HHLA2: variants seen among roughly 807,000 people sequenced by gnomAD.
HHLA2 encodes HHLA2 member of B7 family.
HHLA2 carries 48 observed loss-of-function variants against 45.9 expected under a neutral mutation model. The observed-to-expected ratio is 1.05, with a 90% CI of 0.83 to 1.33. The LOEUF (loss-of-function observed/expected upper bound fraction) is 1.33, where lower values mean the gene tolerates loss of function less well. Ranked by LOEUF, HHLA2 falls within the 40% of genes most tolerant of loss-of-function variation. The pLI is 0.00. For missense variants in HHLA2, 462 were observed against 494.3 expected, an observed-to-expected ratio of 0.93 and a Z score of 0.62; for synonymous variants, 161 against 173.9, an observed-to-expected ratio of 0.93 and a Z score of 0.59.
intron 2 of HHLA2, among the ~76,000 whole-genome samples, chr3:108,321,685 C>G (rs2081205202): frequency 6.6e-6 from 1 of 151,954 alleles, no homozygotes; most frequent in Non-Finnish European, 1.5e-5. Context: ...TCAGTAATAG[C>G]AATTCATTTA....
intron 2 of HHLA2, among the ~76,000 whole-genome samples, chr3:108,318,117 G>T (rs1226795691): frequency 1.3e-5 from 2 of 151,390 alleles, no homozygotes; most frequent in Middle Eastern, 3.4e-3. Context: ...GGAGGCTGAG[G>T]TTGCAGTGAG....
chr3:108,371,393 G>C (rs562530549), intron 8 of HHLA2, among the ~76,000 whole-genome samples: 5 of 152,138 alleles, frequency 3.3e-5, no homozygotes, highest in Non-Finnish European at 7.3e-5. Flanking sequence ...AAAGACCATC[G>C]AGGCTAGGAA....
At chr3:108,328,218 A>G in intron 2 of HHLA2, 1 of 794,364 alleles carries the variant, frequency 1.3e-6, no homozygotes, top group Non-Finnish European at 1.9e-6. Flanking sequence ...TTTACTGGTC[A>G]TCTGGGGCAT....
intron 3 of HHLA2, among the ~76,000 whole-genome samples, chr3:108,334,977 G>A (rs1251484734): frequency 6.6e-6 from 1 of 152,204 alleles, no homozygotes; most frequent in Non-Finnish European, 1.5e-5. Flanking sequence ...CCTCATTGGA[G>A]CAAATTAATG....
rs1042657650 is a variant in HHLA2 at position 108,355,049 on chromosome 3, G to C, written c.419-66G>C. The C allele has an allele frequency of 2.7e-5, 40 of 1,482,858 alleles. No homozygotes were observed. In the South Asian group the frequency reaches 4.7e-4, roughly 17 times the overall value. 91.9% of individuals were successfully genotyped at this position (1,482,858 alleles called of 1,614,324 possible). A position where few individuals can be genotyped will look rare whatever the true frequency, so the allele number is the denominator to read the frequency against. On this transcript the variant is annotated intron_variant, in intron 5 of 10. Transcript: ENST00000619531. The stretch of plus-strand genomic sequence containing the variant: ...TTTCATGGATATTAAAAAGTATTCT[G>C]CACAGACGGCCTATAAAGAAGCTAA...
At chr3:108,328,795 G>A (rs996480443) in intron 3 of HHLA2, among the ~76,000 whole-genome samples, 18 of 151,828 alleles carry the variant, frequency 1.2e-4, no homozygotes, top group Admixed American at 1.2e-3. Flanking sequence ...AGTAGTAGTT[G>A]TTATATAGGG....
chr3:108,365,227 T>G (rs2082044764), intron 8 of HHLA2, among the ~76,000 whole-genome samples: 1 of 152,248 alleles, frequency 6.6e-6, no homozygotes, highest in African/African-American at 2.4e-5. Context: ...CTAGCAAGTT[T>G]GCCCAGCACC....
At chr3:108,297,050 T>C (rs2080772502) in intron 1 of HHLA2, among the ~76,000 whole-genome samples, 1 of 152,238 alleles carries the variant, frequency 6.6e-6, no homozygotes, top group African/African-American at 2.4e-5. Flanking sequence ...GTAGTGGTTA[T>C]CTAGCAGAAG....
chr3:108,303,074 G>A (rs1252580377), intron 1 of HHLA2, among the ~76,000 whole-genome samples: 3 of 152,150 alleles, frequency 2.0e-5, no homozygotes, highest in Non-Finnish European at 4.4e-5. Context: ...GCTTAATTCA[G>A]TTATGTCTTG....
Position 108,299,476 on chromosome 3 carries a change from A to G in HHLA2, c.-192+2877A>G, listed in dbSNP as rs1576082834. ...TCTTGTTAGTGTGGTGGGAGGAGAG[A>G]AAGGTGAGGAGTAGTCAGATTATGA... On this transcript the variant is annotated intron_variant, in intron 1 of 10. Coordinates refer to ENST00000619531, the Ensembl canonical transcript of HHLA2. Among the ~76,000 whole-genome samples, 4 of 151,880 alleles carry G rather than the reference A, an allele frequency of 2.6e-5. No homozygotes were observed. In the East Asian group the frequency reaches 5.8e-4, roughly 22 times the overall value.
intron 1 of HHLA2, among the ~76,000 whole-genome samples, chr3:108,309,319 A>G (rs1174018779): frequency 6.6e-6 from 1 of 152,116 alleles, no homozygotes; most frequent in Non-Finnish European, 1.5e-5. Flanking sequence ...AATTTACTGT[A>G]CATATGTAGA....
At chr3:108,332,657 G>A (rs17241659) in intron 3 of HHLA2, among the ~76,000 whole-genome samples, 24,548 of 152,114 alleles carry the variant, frequency 0.16, 2,469 homozygotes, top group Middle Eastern at 0.24. Flanking sequence ...AACCCTGACC[G>A]TTCTGAGCCA....
rs1293976043 is a variant in HHLA2 at position 108,373,972 on chromosome 3, A to G, written c.1109-1778A>G. Among the ~76,000 whole-genome samples the G allele has an allele frequency of 7.5e-3, 1,138 of 151,506 alleles. 16 individuals are homozygous for G. Among genetic ancestry groups the G allele is most frequent in the African/African-American group, 0.026 (1,096 of 41,464 alleles). On this transcript the variant is annotated intron_variant, in intron 8 of 10. Coordinates refer to ENST00000619531, the Ensembl canonical transcript of HHLA2. Reference sequence around the variant, plus strand: ...ATGACTTTCTTCACAGAATTGGAAGAAACTACTTTAAAGTTCATATGGAAC... The same window carrying G: ...ATGACTTTCTTCACAGAATTGGAAGGAACTACTTTAAAGTTCATATGGAAC...
At chr3:108,304,693 G>A (rs1383657636) in intron 1 of HHLA2, among the ~76,000 whole-genome samples, 2 of 152,214 alleles carry the variant, frequency 1.3e-5, no homozygotes, top group Non-Finnish European at 2.9e-5. Context: ...TACTGTGTCT[G>A]AGAGTGGGCT....
chr3:108,311,206 G>C (rs1243571400), intron 2 of HHLA2, among the ~76,000 whole-genome samples: 1 of 152,140 alleles, frequency 6.6e-6, no homozygotes, highest in Non-Finnish European at 1.5e-5. Flanking sequence ...TAATCATTTT[G>C]TTAAGCCCCT....
intron 8 of HHLA2, among the ~76,000 whole-genome samples, chr3:108,366,849 AT>A: frequency 6.6e-6 from 1 of 152,016 alleles, no homozygotes; most frequent in East Asian, 1.9e-4. Context: ...TGTCTGTTTG[AT>A]TCTTCTTTCT....
chr3:108,365,882 G>A (rs1413753829), intron 8 of HHLA2, among the ~76,000 whole-genome samples: 1 of 152,116 alleles, frequency 6.6e-6, no homozygotes, highest in Non-Finnish European at 1.5e-5. Context: ...GGAGATTTTG[G>A]GCTGAGACAA....
At chr3:108,332,026 C>T (rs865893557) in intron 3 of HHLA2, among the ~76,000 whole-genome samples, 3 of 152,234 alleles carry the variant, frequency 2.0e-5, no homozygotes, top group South Asian at 2.1e-4. Flanking sequence ...AAAGACGTGG[C>T]ATTTCTGTAG....
chr3:108,312,738 C>T (rs1187409281), intron 2 of HHLA2, among the ~76,000 whole-genome samples: 3 of 152,236 alleles, frequency 2.0e-5, no homozygotes, highest in Non-Finnish European at 2.9e-5. Flanking sequence ...CTCTGTCCTA[C>T]TTCCTTGATT....
Sources: allele counts gnomAD v4.1 joint callset (sites outside exome capture counted in the v4.1 genomes callset), GRCh38; gene constraint gnomAD v4.1.1; transcripts MANE v1.5; gene names NCBI Gene and HGNC (gene_info 2026-07-23, HGNC 2026-07-21).